HPS3: variants seen among roughly 807,000 people sequenced by gnomAD.
HPS3 encodes HPS3 biogenesis of lysosomal organelles complex 2 subunit 1.
HPS3 carries 79 observed loss-of-function variants against 110.9 expected under a neutral mutation model. The observed-to-expected ratio is 0.71, with a 90% CI of 0.59 to 0.86. HPS3 has a LOEUF of 0.86. Ranked by LOEUF, HPS3 falls within the 40% of genes least tolerant of loss-of-function variation. The pLI is 0.00. For missense variants in HPS3, 1,197 were observed against 1,206.2 expected, an observed-to-expected ratio of 0.99 and a Z score of 0.11; for synonymous variants, 428 against 451.0, an observed-to-expected ratio of 0.95 and a Z score of 0.65.
chr3:149,153,138 T>C (rs548290172), intron 6 of HPS3, among the ~76,000 whole-genome samples: 1 of 152,204 alleles, frequency 6.6e-6, no homozygotes, highest in Non-Finnish European at 1.5e-5. Context: ...TTTCCCTGGG[T>C]GGCAGAGTAC....
At chr3:149,129,999 C>G in intron 1 of HPS3, 59 bp downstream of exon 1, 1 of 1,438,924 alleles carries the variant, frequency 6.9e-7, no homozygotes, top group African/African-American at 1.4e-5. Flanking sequence ...TCCTAGCTAG[C>G]GGACCGAACG....
intron 5 of HPS3, among the ~76,000 whole-genome samples, chr3:149,147,570 T>C (rs1314150655): frequency 6.6e-6 from 1 of 152,214 alleles, no homozygotes; most frequent in Non-Finnish European, 1.5e-5. Context: ...TTTTCCCATC[T>C]GATTGCATAT....
chr3:149,158,300 G>T (rs1008353327), intron 9 of HPS3, among the ~76,000 whole-genome samples: 3 of 152,140 alleles, frequency 2.0e-5, no homozygotes, highest in East Asian at 1.9e-4. Flanking sequence ...ATGAATATTA[G>T]AATTAACTTA....
intron 6 of HPS3, among the ~76,000 whole-genome samples, chr3:149,151,215 G>T (rs1400642084): frequency 1.4e-5 from 2 of 138,428 alleles, no homozygotes; most frequent in Non-Finnish European, 1.6e-5. Context: ...TTTTTTTTCT[G>T]CAGAGACAGG....
rs767654406 is a variant in HPS3 at position 149,160,109 on chromosome 3, C to T, written c.1936C>T (p.Leu646Phe). Residue 646 changes from leucine (L) to phenylalanine (F), a missense_variant, in exon 11 of 17, where the codon CTC (leucine) becomes TTC (phenylalanine). Coordinates refer to ENST00000296051, the MANE Select transcript of HPS3 (RefSeq NM_032383.5). ...VAEPKQVPHI[L>F]CSPSMKNINP... The stretch of plus-strand genomic sequence containing the variant: ...TGAGCCAAAGCAAGTGCCCCATATT[C>T]TCTGTAGTCCTTCTATGAAGAATAT... The T allele has an allele frequency of 4.3e-6, 7 of 1,613,836 alleles. No homozygotes were observed. The Admixed American group carries it at 1.2e-4, about 27-fold the overall frequency.
At chr3:149,141,500 C>A in intron 4 of HPS3, 120 bp downstream of exon 4, 1 of 719,402 alleles carries the variant, frequency 1.4e-6, no homozygotes, top group Non-Finnish European at 2.4e-6. Context: ...CTGGAGTCTC[C>A]TTGTGGCCCT....
At chr3:149,163,312 A>G (rs1724075275) in intron 13 of HPS3, among the ~76,000 whole-genome samples, 1 of 152,170 alleles carries the variant, frequency 6.6e-6, no homozygotes, top group Admixed American at 6.5e-5. Flanking sequence ...TCTGTTGCAC[A>G]TACAGGAGCT....
intron 14 of HPS3, among the ~76,000 whole-genome samples, chr3:149,166,217 C>G (rs1464434768): frequency 6.6e-6 from 1 of 152,216 alleles, no homozygotes; most frequent in Non-Finnish European, 1.5e-5. Context: ...TGAGATAATA[C>G]TGCTCCCTGT....
At chr3:149,166,108 C>T (rs1198714914) in intron 14 of HPS3, 1 of 426,078 alleles carries the variant, frequency 2.3e-6, no homozygotes, top group Non-Finnish European at 4.7e-6. Context: ...TCATCTTTAT[C>T]CTGGAGAAAG....
rs374905043 is a variant in HPS3 at position 149,168,166 on chromosome 3, A to C, written c.2887+183A>C. On this transcript the variant is annotated intron_variant, in intron 16 of 16. Transcript: ENST00000296051. ...GACATTTGATATTGATTTATCTCCTAGTCACAGAACTGATGTTCTTTTAAC... is the reference window on the plus strand; with the variant it reads ...GACATTTGATATTGATTTATCTCCTCGTCACAGAACTGATGTTCTTTTAAC... 34 of 589,780 alleles carry C rather than the reference A, an allele frequency of 5.8e-5. No homozygotes were observed. The African/African-American group carries it at 5.8e-4, about 10-fold the overall frequency. The allele number at this position is 589,780 out of a possible 1,614,324, so 36.5% of individuals were successfully genotyped here.
chr3:149,133,719 C>T (rs980015778), intron 1 of HPS3, among the ~76,000 whole-genome samples: 3 of 152,100 alleles, frequency 2.0e-5, no homozygotes, highest in African/African-American at 7.2e-5. Flanking sequence ...AGATATGTCT[C>T]GTTAAAGGCT....
chr3:149,167,802 C>G (rs1458650935), intron 15 of HPS3, 91 bp from the exon 16 acceptor site: 3 of 815,242 alleles, frequency 3.7e-6, no homozygotes, highest in Admixed American at 1.8e-5. Context: ...TATTTTTGCT[C>G]TGTGCTTTCC....
chr3:149,136,197 T>C (rs529974293), intron 1 of HPS3, among the ~76,000 whole-genome samples: 1 of 111,290 alleles, frequency 9.0e-6, no homozygotes, highest in African/African-American at 3.9e-5. Context: ...TTATAATATA[T>C]GTATATACAT....
At chr3:149,147,328 C>CA (rs902670179) in intron 5 of HPS3, among the ~76,000 whole-genome samples, 19 of 149,024 alleles carry the variant, frequency 1.3e-4, no homozygotes, top group African/African-American at 3.0e-4. Flanking sequence ...TTACTACCGC[C>CA]AAAAAAAAAG....
rs774480483 is a variant in HPS3 at position 149,129,882 on chromosome 3, G to A, written c.159G>A (p.Gln53=). The A allele has an allele frequency of 2.5e-6, 4 of 1,589,222 alleles. No individual in the cohort carries two copies. The highest frequency in any genetic ancestry group is 1.1e-5 in the South Asian group (1 of 89,290). Residue 53 remains glutamine, a synonymous_variant, in exon 1 of 17, where the codon CAG becomes CAA. Coordinates refer to ENST00000296051, the MANE Select transcript of HPS3 (RefSeq NM_032383.5). ...CGGTGGCCGGCCAGGAGCTGTGCCA[G>A]CCGCGGTGCGCCTTCTCCACGCTGG... is the stretch of plus-strand genomic sequence containing the variant. ...AFAVAGQELC[Q]PRCAFSTLGR... is the part of the protein sequence containing the mutation.
intron 1 of HPS3, among the ~76,000 whole-genome samples, chr3:149,138,076 G>A (rs1249994931): frequency 6.6e-6 from 1 of 152,138 alleles, no homozygotes. Flanking sequence ...CTGCTTCCCT[G>A]GAAAAGTGAA....
chr3:149,171,871 A>AT (rs1038245318), intron 16 of HPS3, among the ~76,000 whole-genome samples: 14 of 151,590 alleles, frequency 9.2e-5, no homozygotes, highest in African/African-American at 3.4e-4. Flanking sequence ...TGCCCGGCTA[A>AT]TTTTTTTGTA....
intron 14 of HPS3, chr3:149,165,894 A>C: frequency 2.4e-6 from 1 of 415,064 alleles, no homozygotes; most frequent in Non-Finnish European, 4.9e-6. Context: ...GATTGTCAGG[A>C]AATTATTCAC....
In HPS3 at chr3:149,162,053, A is replaced by G. The variant is rs567360100; in HGVS notation, c.2107-95A>G. The G allele has an allele frequency of 4.1e-6, 4 of 963,976 alleles. 1 individual carries two copies. In the South Asian group the frequency reaches 5.5e-5, roughly 13 times the overall value. The allele number at this position is 963,976 out of a possible 1,614,324, so 59.7% of individuals were successfully genotyped here. ...TGATTAAATTATTAATAGCTTAACC[A>G]TGCATTGTGAATGCACTAGCATGTT... On this transcript the variant is annotated intron_variant, in intron 11 of 16. Coordinates refer to ENST00000296051, the MANE Select transcript of HPS3 (RefSeq NM_032383.5).
Sources: allele counts gnomAD v4.1 joint callset (sites outside exome capture counted in the v4.1 genomes callset), GRCh38; gene constraint gnomAD v4.1.1; transcripts MANE v1.5; gene names NCBI Gene and HGNC (gene_info 2026-07-23, HGNC 2026-07-21).